The following CEP85L variants were observed in gnomAD, a reference collection of about 807,000 sequenced individuals.
CEP85L encodes the protein centrosomal protein 85L, also known as centrosomal protein of 85 kDa-like.
Under a neutral mutation model 100.3 loss-of-function variants are expected in CEP85L, and 60 were observed. The observed-to-expected ratio is 0.60, with a 90% CI of 0.49 to 0.74. CEP85L has a LOEUF of 0.74. Among genes scored for constraint, CEP85L ranks in the 30% least tolerant of loss-of-function variants. The probability of loss-of-function intolerance (pLI) is 0.00; values close to 1 mark genes in which losing one functional copy is unlikely to be tolerated. For synonymous variants in CEP85L, 319 were observed against 322.7 expected, an observed-to-expected ratio of 0.99 and a Z score of 0.12; for missense variants, 973 against 936.2, an observed-to-expected ratio of 1.04 and a Z score of -0.51.
At chr6:118,547,526 TA>T (rs1414001445) in intron 3 of CEP85L, among the ~76,000 whole-genome samples, 1 of 152,114 alleles carries the variant, frequency 6.6e-6, no homozygotes, top group East Asian at 1.9e-4. Context: ...ATCAGTTTAT[TA>T]AAAATTTGGT....
intron 10 of CEP85L, among the ~76,000 whole-genome samples, chr6:118,473,475 T>C (rs553036093): frequency 6.6e-6 from 1 of 151,802 alleles, no homozygotes; most frequent in East Asian, 1.9e-4. Context: ...CTGAGAATAG[T>C]AGGAGAAAGA....
At chr6:118,622,659 T>C (rs1773528088) in intron 2 of CEP85L, among the ~76,000 whole-genome samples, 1 of 152,248 alleles carries the variant, frequency 6.6e-6, no homozygotes. Context: ...GATATGCTTA[T>C]CTAGTTCTAC....
At chr6:118,498,868 T>C (rs893029000) in intron 5 of CEP85L, among the ~76,000 whole-genome samples, 1 of 152,170 alleles carries the variant, frequency 6.6e-6, no homozygotes, top group Non-Finnish European at 1.5e-5. Context: ...TTTTGGGCCA[T>C]AAGATACACC....
At chr6:118,502,857 T>C (rs1775394861) in intron 5 of CEP85L, 4 of 599,256 alleles carry the variant, frequency 6.7e-6, no homozygotes, top group Admixed American at 2.3e-5. Flanking sequence ...TCCCCTGTCA[T>C]GGAAAACAAC....
At chr6:118,608,024 GA>G (rs1181847263) in intron 2 of CEP85L, among the ~76,000 whole-genome samples, 2 of 152,154 alleles carry the variant, frequency 1.3e-5, no homozygotes, top group Non-Finnish European at 2.9e-5. Flanking sequence ...AGTTTATTAA[GA>G]AAGTAAAGGA....
chr6:118,672,701 G>A (rs1401639764), intron 1 of CEP85L, among the ~76,000 whole-genome samples: 1 of 152,142 alleles, frequency 6.6e-6, no homozygotes, highest in Non-Finnish European at 1.5e-5. Context: ...GGGAAGCAGA[G>A]GTTGCAGTGA....
chr6:118,575,420 C>G (rs1273222729), intron 2 of CEP85L, among the ~76,000 whole-genome samples: 1 of 152,150 alleles, frequency 6.6e-6, no homozygotes, highest in African/African-American at 2.4e-5. Context: ...ATGTCAATGA[C>G]AAAAGTCCTG....
chr6:118,545,698 T>A (rs1039619225), intron 3 of CEP85L, among the ~76,000 whole-genome samples: 2 of 152,186 alleles, frequency 1.3e-5, no homozygotes, highest in Admixed American at 6.5e-5. Context: ...AACTGAATAC[T>A]AAATTTCATT....
intron 2 of CEP85L, among the ~76,000 whole-genome samples, chr6:118,625,430 G>A (rs1773727084): frequency 6.6e-6 from 1 of 152,088 alleles, no homozygotes; most frequent in African/African-American, 2.4e-5. Flanking sequence ...GGTGGGCTTG[G>A]GACAGGAATT....
chr6:118,686,065 C>T (rs1187013409), intron 1 of CEP85L, among the ~76,000 whole-genome samples: 1 of 152,140 alleles, frequency 6.6e-6, no homozygotes, highest in Non-Finnish European at 1.5e-5. Flanking sequence ...CCATGAAAGG[C>T]CAGCGCAGCC....
chr6:118,526,354 G>C (rs989286988), intron 3 of CEP85L, among the ~76,000 whole-genome samples: 7 of 152,078 alleles, frequency 4.6e-5, no homozygotes, highest in Admixed American at 3.9e-4. Flanking sequence ...AAATAACACA[G>C]TTACTCCCCA....
chr6:118,562,572 C>T (rs958664324), intron 3 of CEP85L, among the ~76,000 whole-genome samples: 4 of 152,122 alleles, frequency 2.6e-5, no homozygotes, highest in Non-Finnish European at 4.4e-5. Context: ...ATTGCCCAGG[C>T]TGGTCCCAAA....
chr6:118,585,920 T>G (rs182135173), intron 2 of CEP85L, among the ~76,000 whole-genome samples: 3 of 152,294 alleles, frequency 2.0e-5, no homozygotes, highest in African/African-American at 7.2e-5. Flanking sequence ...GGTAGATACC[T>G]TCACTAACTG....
intron 2 of CEP85L, among the ~76,000 whole-genome samples, chr6:118,613,095 C>T (rs1390177351): frequency 6.6e-6 from 1 of 152,014 alleles, no homozygotes; most frequent in African/African-American, 2.4e-5. Context: ...GCCTGTAATC[C>T]CAGCTACTCA....
At chr6:118,575,242 T>C (rs943383110) in intron 2 of CEP85L, among the ~76,000 whole-genome samples, 6 of 152,160 alleles carry the variant, frequency 3.9e-5, no homozygotes, top group African/African-American at 1.4e-4. Flanking sequence ...TCTCTAGGTC[T>C]CATGTTAAAA....
intron 2 of CEP85L, among the ~76,000 whole-genome samples, chr6:118,573,318 T>G (rs1780021193): frequency 6.6e-6 from 1 of 152,300 alleles, no homozygotes; most frequent in Middle Eastern, 3.4e-3. Flanking sequence ...ATCCAAAAAT[T>G]GTTTTTGCAG....
chr6:118,681,116 T>C (rs1776643940), intron 1 of CEP85L, among the ~76,000 whole-genome samples: 1 of 152,224 alleles, frequency 6.6e-6, no homozygotes, highest in African/African-American at 2.4e-5. Flanking sequence ...ATTGCCAGCT[T>C]TTTACCAGTA....
chr6:118,678,140 G>GA (rs1238463872), intron 1 of CEP85L, among the ~76,000 whole-genome samples: 2 of 152,190 alleles, frequency 1.3e-5, no homozygotes, highest in Non-Finnish European at 1.5e-5. Flanking sequence ...AACATCTGTA[G>GA]AAAAATGGAG....
intron 10 of CEP85L, among the ~76,000 whole-genome samples, chr6:118,479,017 G>A (rs1266444918): frequency 6.6e-6 from 1 of 152,156 alleles, no homozygotes; most frequent in Non-Finnish European, 1.5e-5. Flanking sequence ...GTGCCCAAGT[G>A]AAATGGAAAT....
Sources: allele counts gnomAD v4.1 joint callset (sites outside exome capture counted in the v4.1 genomes callset), GRCh38; gene constraint gnomAD v4.1.1; transcripts MANE v1.5; gene names NCBI Gene and HGNC (gene_info 2026-07-23, HGNC 2026-07-21).